The following UBE2O variants were observed in gnomAD, a reference collection of about 807,000 sequenced individuals.
The protein encoded by UBE2O is ubiquitin conjugating enzyme E2 O, also known as (E3-independent) E2 ubiquitin-conjugating enzyme.
A neutral mutation model predicts 125.8 loss-of-function variants in UBE2O; 15 were observed. That is an observed-to-expected ratio of 0.12 (90% CI 0.08 to 0.18). The LOEUF is 0.18. Ranked by LOEUF, UBE2O falls within the 10% of genes least tolerant of loss-of-function variation. The probability of loss-of-function intolerance (pLI) is 1.00; values close to 1 mark genes in which losing one functional copy is unlikely to be tolerated. For synonymous variants in UBE2O, 708 were observed against 703.2 expected (o/e 1.01, Z -0.11); for missense variants, 1,280 against 1,723.6 (o/e 0.74, Z 4.56).
intron 1 of UBE2O, among the ~76,000 whole-genome samples, chr17:76,425,313 T>C (rs2072794432): frequency 6.6e-6 from 1 of 151,912 alleles, no homozygotes; most frequent in Non-Finnish European, 1.5e-5. Context: ...ATATTGTATT[T>C]TTTTAAATAA....
intron 13 of UBE2O, among the ~76,000 whole-genome samples, chr17:76,397,293 C>T (rs998502667): frequency 1.3e-5 from 2 of 152,176 alleles, no homozygotes; most frequent in African/African-American, 4.8e-5. Context: ...AAGCCATTCC[C>T]GCCCCCACTC....
At chr17:76,428,535 T>C (rs2072849533) in intron 1 of UBE2O, among the ~76,000 whole-genome samples, 1 of 152,234 alleles carries the variant, frequency 6.6e-6, no homozygotes, top group African/African-American at 2.4e-5. Flanking sequence ...TCTGAGTATA[T>C]TTGCCATGTG....
At position 76,395,172 on chromosome 17, in the gene UBE2O, G is replaced by C. The variant is rs1013554270; in HGVS notation, c.2946+553C>G. ...ATTACAGTCGTGAGCCACCGCACCC[G>C]GCCTATTTCAAAGTAATTTTTTTTT... On this transcript the variant is annotated intron_variant, in intron 15 of 17. Transcript: ENST00000319380. This position sits in a 1 kb window ranked among gnomAD's most constrained non-coding sequence, Gnocchi z 5.0. Among the ~76,000 whole-genome samples, 1 of 150,720 alleles carries C rather than the reference G, an allele frequency of 6.6e-6. No homozygotes were observed. Among genetic ancestry groups the C allele is most frequent in the Non-Finnish European group, 1.5e-5 (1 of 67,830 alleles).
rs551481625 is a variant in UBE2O at position 76,400,575 on chromosome 17, C to T, written c.895-25G>A. ...CCTGGGGATGGCAGGTGGGACACGCCAGTCAGGGCAGGCTCTGACAGCACT... is the reference window on the plus strand; with the variant it reads ...CCTGGGGATGGCAGGTGGGACACGCTAGTCAGGGCAGGCTCTGACAGCACT... On this transcript the variant is annotated intron_variant, in intron 6 of 17. Transcript: ENST00000319380. This position sits in a 1 kb window ranked among gnomAD's most constrained non-coding sequence, Gnocchi z 4.3. 1.3e-6 allele frequency: 2 copies of T among 1,539,904 alleles called. No homozygotes were observed. Among genetic ancestry groups the T allele is most frequent in the South Asian group, 2.3e-5 (2 of 86,334 alleles).
At chr17:76,415,389 C>G (rs1212313552) in intron 1 of UBE2O, among the ~76,000 whole-genome samples, 1 of 152,214 alleles carries the variant, frequency 6.6e-6, no homozygotes, top group Non-Finnish European at 1.5e-5. Flanking sequence ...TGCCTAAGGT[C>G]ACCCAAGTGC....
intron 1 of UBE2O, among the ~76,000 whole-genome samples, chr17:76,421,386 A>G (rs1246044747): frequency 6.1e-5 from 9 of 147,536 alleles, no homozygotes; most frequent in African/African-American, 2.2e-4. Flanking sequence ...TTTTTTTTTG[A>G]GACGGAGTTT....
Position 76,402,824 on chromosome 17 carries a change from G to A in UBE2O, c.589-125C>T, listed in dbSNP as rs957369776. On this transcript the variant is annotated intron_variant, in intron 3 of 17. Transcript: ENST00000319380. This position sits in a 1 kb window ranked among gnomAD's most constrained non-coding sequence, Gnocchi z 5.4. ...ATCTAGACAGCTCACTGACTGGACC[G>A]GTTGGCTACTAGCCCTAAACAGCTG... is the stretch of plus-strand genomic sequence containing the variant. 22 of 792,158 alleles carry A rather than the reference G, an allele frequency of 2.8e-5. No individual in the cohort carries two copies. The highest frequency in any genetic ancestry group is 3.6e-4 in the Middle Eastern group (1 of 2,816). 49.1% of individuals were successfully genotyped at this position (792,158 alleles called of 1,614,324 possible).
At chr17:76,444,989 C>T (rs1239476631) in intron 1 of UBE2O, among the ~76,000 whole-genome samples, 1 of 152,218 alleles carries the variant, frequency 6.6e-6, no homozygotes, top group Non-Finnish European at 1.5e-5. Flanking sequence ...TCCGCTGAAT[C>T]TGCCGGTCAA....
chr17:76,408,573 CAG>C (rs2072462774), intron 1 of UBE2O, among the ~76,000 whole-genome samples: 1 of 152,208 alleles, frequency 6.6e-6, no homozygotes, highest in Non-Finnish European at 1.5e-5. Flanking sequence ...CATTTAAAGA[CAG>C]TGATTCTTCT....
chr17:76,419,463 C>T (rs1263714277), intron 1 of UBE2O, among the ~76,000 whole-genome samples: 2 of 152,014 alleles, frequency 1.3e-5, no homozygotes, highest in Non-Finnish European at 2.9e-5. Flanking sequence ...GGCGTAAAAG[C>T]AAGGTGACTG....
At chr17:76,420,768 T>A (rs1427629081) in intron 1 of UBE2O, among the ~76,000 whole-genome samples, 1 of 152,028 alleles carries the variant, frequency 6.6e-6, no homozygotes, top group Non-Finnish European at 1.5e-5. Context: ...CACCACCAGG[T>A]GTTGGTCCTG....
intron 1 of UBE2O, among the ~76,000 whole-genome samples, chr17:76,416,382 A>C (rs2072617855): frequency 6.6e-6 from 1 of 152,114 alleles, no homozygotes; most frequent in Non-Finnish European, 1.5e-5. Flanking sequence ...AAAGTTCCCC[A>C]AATGATTCTG....
intron 1 of UBE2O, among the ~76,000 whole-genome samples, chr17:76,433,480 G>C (rs183564729): frequency 1.0e-4 from 15 of 150,414 alleles, no homozygotes. Context: ...TTCTTTTTAG[G>C]GTGATGAAAA....
At position 76,391,257 on chromosome 17, in the gene UBE2O, C is replaced by T. The variant is rs750993705; in HGVS notation, c.3565G>A (p.Gly1189Arg). 5 of 1,613,254 alleles carry T rather than the reference C, an allele frequency of 3.1e-6. No individual in the cohort carries two copies. In the South Asian group the frequency reaches 4.4e-5, roughly 14 times the overall value. The change falls in exon 18 of 18, where the codon GGG (glycine) becomes AGG (arginine). Residue 1189 changes from glycine (G) to arginine (R), a missense_variant. Gly to Arg is a moderately radical substitution (Grantham distance 125). Transcript: ENST00000319380. This position sits in a 1 kb window ranked among gnomAD's most constrained non-coding sequence, Gnocchi z 8.4. Reference protein sequence around the residue: ...DSGQQEPEDGGPAPGEASQGS... With the variant: ...DSGQQEPEDGRPAPGEASQGS... Reference sequence around the variant, plus strand: ...TGGGAGGCCTCTCCTGGGGCTGGCCCTCCATCCTCAGGTTCTTGTTGGCCG... The same window carrying T: ...TGGGAGGCCTCTCCTGGGGCTGGCCTTCCATCCTCAGGTTCTTGTTGGCCG...
Position 76,396,649 on chromosome 17 carries a change from A to G in UBE2O, c.2288T>C (p.Leu763Pro), listed in dbSNP as rs879111348. Residue 763 changes from leucine (L) to proline (P), a missense_variant, in exon 14 of 18, where the codon CTG becomes CCG. By Grantham distance (98) the Leu-to-Pro change is moderately conservative. Around this residue, in one of 10 missense-constraint regions of UBE2O, gnomAD observed 210 missense variants for 268.9 expected, o/e 0.78. Coordinates refer to ENST00000319380, the MANE Select transcript of UBE2O (RefSeq NM_022066.4). The surrounding 1 kb of genome is among the most constrained non-coding windows in gnomAD (Gnocchi z 6.7). ...GTCCTCAGGGGCCACCGGCTGCTCC[A>G]GGGGTGGGATGGGGGGCTCCTCTAT... ...PKIEEPPIPP[L>P]EQPVAPEDKG... 1 of 1,613,412 alleles carries G rather than the reference A, an allele frequency of 6.2e-7. No homozygotes were observed. Among genetic ancestry groups the G allele is most frequent in the Admixed American group, 1.7e-5 (1 of 59,998 alleles).
chr17:76,446,582 A>G (rs949129240), intron 1 of UBE2O, among the ~76,000 whole-genome samples: 5 of 152,208 alleles, frequency 3.3e-5, no homozygotes, highest in Admixed American at 6.5e-5. Flanking sequence ...ACTGAAGGGA[A>G]CAGAAACTGA....
intron 1 of UBE2O, among the ~76,000 whole-genome samples, chr17:76,434,293 C>T (rs1283601580): frequency 1.3e-5 from 2 of 152,114 alleles, no homozygotes; most frequent in South Asian, 2.1e-4. Flanking sequence ...AATAAGCACA[C>T]GGTGGCTGAA....
intron 1 of UBE2O, among the ~76,000 whole-genome samples, chr17:76,448,624 T>C (rs2073186145): frequency 1.3e-5 from 2 of 152,028 alleles, no homozygotes; most frequent in Admixed American, 1.3e-4. Flanking sequence ...CAAAAGACAA[T>C]GCAAAAGAGA....
In UBE2O at chr17:76,452,903, C is replaced by A; in HGVS notation, c.239G>T (p.Arg80Leu). The A allele has an allele frequency of 6.7e-7, 1 of 1,496,602 alleles. No homozygotes were observed. The highest frequency in any genetic ancestry group is 8.9e-7 in the Non-Finnish European group (1 of 1,122,158). 92.7% of individuals were successfully genotyped at this position (1,496,602 alleles called of 1,614,324 possible). A position where few individuals can be genotyped will look rare whatever the true frequency, so the allele number is the denominator to read the frequency against. The change falls in exon 1 of 18, where the codon CGC becomes CTC. Residue 80 changes from arginine to leucine, a missense_variant. Around this residue, in one of 10 missense-constraint regions of UBE2O, gnomAD observed 188 missense variants for 192.5 expected, o/e 0.98. Coordinates refer to ENST00000319380, the MANE Select transcript of UBE2O (RefSeq NM_022066.4). The surrounding 1 kb of genome is among the most constrained non-coding windows in gnomAD (Gnocchi z 4.4). ...GTCCGAGTCCTCGCCGTGGATGAGG[C>A]GCACCAGCCCGAAGTGCACGGAGCC... ...YRGSVHFGLV[R>L]LIHGEDSDSE... is the part of the protein sequence containing the mutation.
Sources: allele counts gnomAD v4.1 joint callset (sites outside exome capture counted in the v4.1 genomes callset), GRCh38; gene constraint gnomAD v4.1.1; regional missense constraint gnomAD v4.1.1; non-coding constraint Gnocchi (gnomAD v3.1); transcripts MANE v1.5; gene names NCBI Gene and HGNC (gene_info 2026-07-23, HGNC 2026-07-21).